WWP2: variants seen among roughly 807,000 people sequenced by gnomAD.
The protein encoded by WWP2 is WW domain containing E3 ubiquitin protein ligase 2.
Under a neutral mutation model 121.0 loss-of-function variants are expected in WWP2, and 57 were observed. The observed-to-expected ratio is 0.47, with a 90% CI of 0.38 to 0.59. WWP2 has a LOEUF of 0.59. Among genes scored for constraint, WWP2 ranks in the 20% least tolerant of loss-of-function variants. WWP2 has a pLI of 0.00. For synonymous variants in WWP2, 449 were observed against 441.3 expected, an observed-to-expected ratio of 1.02 and a Z score of -0.22; for missense variants, 962 against 1,158.9, an observed-to-expected ratio of 0.83 and a Z score of 2.47.
chr16:69,895,381 C>T (rs2058090814), intron 8 of WWP2, among the ~76,000 whole-genome samples: 1 of 152,208 alleles, frequency 6.6e-6, no homozygotes, highest in Non-Finnish European at 1.5e-5. Flanking sequence ...TTAAAATAGT[C>T]TGTCTATTGT....
At chr16:69,930,008 A>G in intron 12 of WWP2, 122 bp from the exon 13 acceptor site, 6 of 1,436,662 alleles carry the variant, frequency 4.2e-6, no homozygotes, top group Non-Finnish European at 5.7e-6. Context: ...TCTTGGGTGC[A>G]TGTCCTCAAA....
At chr16:69,850,194 G>A (rs2057177248) in intron 6 of WWP2, among the ~76,000 whole-genome samples, 1 of 152,072 alleles carries the variant, frequency 6.6e-6, no homozygotes, top group Non-Finnish European at 1.5e-5. Context: ...AGACCATCCT[G>A]GCTAACACGG....
At chr16:69,812,461 G>T (rs1344053858) in intron 4 of WWP2, among the ~76,000 whole-genome samples, 1 of 138,746 alleles carries the variant, frequency 7.2e-6, no homozygotes, top group African/African-American at 2.8e-5. Flanking sequence ...CACCGCGCCT[G>T]CCCCCAACCC....
chr16:69,801,992 C>G (rs554639101), intron 4 of WWP2, among the ~76,000 whole-genome samples: 1 of 151,582 alleles, frequency 6.6e-6, no homozygotes, highest in African/African-American at 2.4e-5. Context: ...TGCAGTGGCG[C>G]GATCTTGGCT....
At chr16:69,780,037 A>G (rs2055629923) in intron 1 of WWP2, among the ~76,000 whole-genome samples, 1 of 152,228 alleles carries the variant, frequency 6.6e-6, no homozygotes. Flanking sequence ...AAAATGTTGT[A>G]GATACAGTTG....
At chr16:69,929,180 C>A (rs931129396) in intron 11 of WWP2, among the ~76,000 whole-genome samples, 1 of 152,114 alleles carries the variant, frequency 6.6e-6, no homozygotes, top group Non-Finnish European at 1.5e-5. Flanking sequence ...CACACCACCC[C>A]CTCCCTCCGA....
chr16:69,872,571 T>C (rs1333175818), intron 7 of WWP2, among the ~76,000 whole-genome samples: 1 of 152,252 alleles, frequency 6.6e-6, no homozygotes, highest in East Asian at 1.9e-4. Context: ...ATCTCATTTA[T>C]ACATAGCATA....
intron 4 of WWP2, among the ~76,000 whole-genome samples, chr16:69,836,095 G>C (rs2056872736): frequency 2.0e-5 from 3 of 152,270 alleles, no homozygotes; most frequent in African/African-American, 4.8e-5. Context: ...GAGCCACCGT[G>C]CCTGTGCATA....
intron 5 of WWP2, among the ~76,000 whole-genome samples, chr16:69,841,228 C>T (rs2056971393): frequency 6.6e-6 from 1 of 152,186 alleles, no homozygotes. Flanking sequence ...TGAGTAAACA[C>T]ACAGATAATT....
intron 1 of WWP2, among the ~76,000 whole-genome samples, chr16:69,771,346 C>T (rs1393135169): frequency 6.6e-6 from 1 of 152,160 alleles, no homozygotes; most frequent in South Asian, 2.1e-4. Flanking sequence ...CTCCCGGGTT[C>T]AAGCTATTCT....
chr16:69,815,815 C>G (rs1184273334), intron 4 of WWP2, among the ~76,000 whole-genome samples: 1 of 150,192 alleles, frequency 6.7e-6, no homozygotes, highest in Non-Finnish European at 1.5e-5. Context: ...GCAATGGAAT[C>G]ATACATACTG....
rs558726570 is a variant in WWP2, at chr16:69,876,318, A to C, written c.703+4387A>C. On this transcript the variant is annotated intron_variant, in intron 7 of 23. Coordinates refer to ENST00000359154, the MANE Select transcript of WWP2 (RefSeq NM_001270454.2). Reference sequence around the variant, plus strand: ...GATCTAAGGCAGTTATAGCCTTATAAAATGTATTTGGTTTTTTTGGGGCAT... The same window carrying C: ...GATCTAAGGCAGTTATAGCCTTATACAATGTATTTGGTTTTTTTGGGGCAT... Among the ~76,000 whole-genome samples the C allele has an allele frequency of 2.4e-4, 37 of 151,720 alleles. 1 individual carries two copies. In the South Asian group the frequency reaches 7.3e-3, roughly 30 times the overall value.
chr16:69,808,718 T>C (rs1471562574), intron 4 of WWP2, among the ~76,000 whole-genome samples: 1 of 152,232 alleles, frequency 6.6e-6, no homozygotes, highest in African/African-American at 2.4e-5. Flanking sequence ...TGTCTTTGTA[T>C]TTGGGTGTAG....
chr16:69,777,513 C>T (rs1567658109), intron 1 of WWP2, among the ~76,000 whole-genome samples: 1 of 151,728 alleles, frequency 6.6e-6, no homozygotes, highest in Non-Finnish European at 1.5e-5. Context: ...GTTGGCGAGG[C>T]TGGTCTCGAA....
intron 4 of WWP2, among the ~76,000 whole-genome samples, chr16:69,812,933 A>G (rs564185823): frequency 2.0e-5 from 3 of 152,164 alleles, no homozygotes; most frequent in Admixed American, 1.3e-4. Context: ...GTAAATGTCT[A>G]TTCCTCATCA....
At chr16:69,916,494 G>A (rs2058481368) in intron 9 of WWP2, among the ~76,000 whole-genome samples, 1 of 152,210 alleles carries the variant, frequency 6.6e-6, no homozygotes, top group Non-Finnish European at 1.5e-5. Flanking sequence ...TTTGTAGGCT[G>A]GATGGAGTGG....
chr16:69,778,788 C>T (rs139338810), intron 1 of WWP2, among the ~76,000 whole-genome samples: 157 of 150,866 alleles, frequency 1.0e-3, no homozygotes, highest in African/African-American at 3.1e-3. Flanking sequence ...ATTATAGTTG[C>T]GCCACCACTC....
intron 7 of WWP2, among the ~76,000 whole-genome samples, chr16:69,876,490 A>G (rs911882150): frequency 6.6e-6 from 1 of 151,620 alleles, no homozygotes; most frequent in African/African-American, 2.4e-5. Flanking sequence ...TCAGCCTCCA[A>G]AGTAGCTGGG....
intron 10 of WWP2, among the ~76,000 whole-genome samples, chr16:69,921,993 G>C (rs2058569520): frequency 6.6e-6 from 1 of 150,996 alleles, no homozygotes; most frequent in Admixed American, 6.6e-5. Flanking sequence ...AGAATCGCTT[G>C]AACTCGGGAG....
Sources: allele counts gnomAD v4.1 joint callset (sites outside exome capture counted in the v4.1 genomes callset), GRCh38; gene constraint gnomAD v4.1.1; transcripts MANE v1.5; gene names NCBI Gene and HGNC (gene_info 2026-07-23, HGNC 2026-07-21).